Variants in CEP83 observed in about 807,000 individuals in gnomAD.
CEP83 encodes the protein centrosomal protein of 83 kDa.
A neutral mutation model predicts 101.9 loss-of-function variants in CEP83; 70 were observed. That is an observed-to-expected ratio of 0.69 (90% CI 0.57 to 0.84). The LOEUF (loss-of-function observed/expected upper bound fraction) is 0.84, where lower values mean the gene tolerates loss of function less well. CEP83 is among the 40% of genes least tolerant of loss of function. CEP83 has a pLI of 0.00. For synonymous variants in CEP83, 264 were observed against 267.9 expected, an observed-to-expected ratio of 0.99 and a Z score of 0.14; for missense variants, 715 against 787.2, an observed-to-expected ratio of 0.91 and a Z score of 1.10.
intron 2 of CEP83, among the ~76,000 whole-genome samples, chr12:94,432,377 A>T (rs778441327): frequency 3.9e-5 from 6 of 151,962 alleles, no homozygotes; most frequent in Non-Finnish European, 7.4e-5. Flanking sequence ...TGTTTTTTTT[A>T]AATGTGGTAT....
rs1353421002 is a variant in CEP83, at chr12:94,346,435, G to A, written c.1344-10771C>T. 7.1e-5 allele frequency among the ~76,000 whole-genome samples: 10 copies of A among 140,506 alleles called. No individual in the cohort carries two copies. In the East Asian group the frequency reaches 1.7e-3, roughly 24 times the overall value. 92.2% of individuals were successfully genotyped at this position (140,506 alleles called of 152,430 possible). ...TGCACTCCAGCCTGGGTGACAGAGCGAGACGCCGTCTCAAAAAAAAAAAAA... is the reference window on the plus strand; with the variant it reads ...TGCACTCCAGCCTGGGTGACAGAGCAAGACGCCGTCTCAAAAAAAAAAAAA... On this transcript the variant is annotated intron_variant, in intron 11 of 16. Coordinates refer to ENST00000397809, the MANE Select transcript of CEP83 (RefSeq NM_016122.3).
At position 94,367,814 on chromosome 12, in the gene CEP83, C is replaced by T. The variant is rs1202585370; in HGVS notation, c.1323G>A (p.Arg441=). 7 of 1,611,948 alleles carry T rather than the reference C, an allele frequency of 4.3e-6. No individual in the cohort carries two copies. The Admixed American group carries it at 1.0e-4, about 23-fold the overall frequency. Reference sequence around the variant, plus strand: ...ATAACCTAACACTCTGAAGCTCCTTCCTGGTGATCTCTTCTGCCATCTGTG... The same window carrying T: ...ATAACCTAACACTCTGAAGCTCCTTTCTGGTGATCTCTTCTGCCATCTGTG... ...RASQMAEEIT[R]KELQSVRLKL... Residue 441 remains arginine (R), a synonymous_variant, in exon 11 of 17, where the codon AGG becomes AGA. Coordinates refer to ENST00000397809, the MANE Select transcript of CEP83 (RefSeq NM_016122.3).
chr12:94,455,565 A>G (rs1349330393), intron 1 of CEP83, among the ~76,000 whole-genome samples: 2 of 152,234 alleles, frequency 1.3e-5, no homozygotes, highest in African/African-American at 4.8e-5. Flanking sequence ...GACTGTAAAA[A>G]CTACATGGAC....
At chr12:94,392,621 G>A (rs2062622656) in intron 6 of CEP83, among the ~76,000 whole-genome samples, 2 of 152,008 alleles carry the variant, frequency 1.3e-5, no homozygotes, top group Non-Finnish European at 2.9e-5. Flanking sequence ...CTAGCAGAAG[G>A]CAAGAAATAA....
intron 14 of CEP83, among the ~76,000 whole-genome samples, chr12:94,316,748 A>T (rs1970762685): frequency 6.6e-6 from 1 of 152,292 alleles, no homozygotes; most frequent in Admixed American, 6.5e-5. Flanking sequence ...CTGGCAAAGG[A>T]CATTATCTCA....
chr12:94,354,819 G>C (rs1239743244), intron 11 of CEP83, among the ~76,000 whole-genome samples: 1 of 152,070 alleles, frequency 6.6e-6, no homozygotes, highest in East Asian at 1.9e-4. Flanking sequence ...AAACCATCCT[G>C]GCCATCATGG....
At chr12:94,390,724 C>T (rs1187376099) in intron 6 of CEP83, among the ~76,000 whole-genome samples, 3 of 152,040 alleles carry the variant, frequency 2.0e-5, no homozygotes, top group Admixed American at 2.0e-4. Context: ...AAGCTAAGAA[C>T]CTTGAAAAAA....
chr12:94,312,233 T>C (rs1040013734), intron 15 of CEP83, among the ~76,000 whole-genome samples: 1 of 152,236 alleles, frequency 6.6e-6, no homozygotes, highest in African/African-American at 2.4e-5. Context: ...TAGAATGTTC[T>C]TTAAAAAACA....
rs575150249 is a variant in CEP83 at position 94,410,046 on chromosome 12, T to C, written c.324+1651A>G. Among the ~76,000 whole-genome samples the C allele has an allele frequency of 4.6e-5, 7 of 152,270 alleles. No homozygotes were observed. The East Asian group carries it at 1.2e-3, about 25-fold the overall frequency. On this transcript the variant is annotated intron_variant, in intron 4 of 16. Coordinates refer to ENST00000397809, the MANE Select transcript of CEP83 (RefSeq NM_016122.3). ...ACCCATAATAGATTCAAAGAAAAAC[T>C]AGATGATTACCAACTCTAAGATGCT...
chr12:94,456,986 T>C (rs1320138722), intron 1 of CEP83, among the ~76,000 whole-genome samples: 1 of 152,202 alleles, frequency 6.6e-6, no homozygotes, highest in East Asian at 1.9e-4. Flanking sequence ...CACAAATACA[T>C]ACTATTCCTA....
chr12:94,300,600 A>G, the CEP83 span, among the ~76,000 whole-genome samples: 1 of 152,092 alleles, frequency 6.6e-6, no homozygotes, highest in Non-Finnish European at 1.5e-5. Flanking sequence ...TTATGTGAGA[A>G]CAAACTGTCA....
chr12:94,294,665 T>A, the CEP83 span: 3 of 574,424 alleles, frequency 5.2e-6, no homozygotes, highest in Admixed American at 9.1e-5. Context: ...TCTCTGAAAG[T>A]TGAGAAAAGT....
At chr12:94,378,502 A>G (rs1199843228) in intron 7 of CEP83, among the ~76,000 whole-genome samples, 2 of 152,316 alleles carry the variant, frequency 1.3e-5, no homozygotes, top group East Asian at 3.9e-4. Flanking sequence ...TCAAATACAT[A>G]TATTTTTATT....
the CEP83 span, among the ~76,000 whole-genome samples, chr12:94,270,504 C>A: frequency 2.6e-5 from 4 of 152,188 alleles, no homozygotes; most frequent in East Asian, 7.7e-4. Context: ...TCTTTCCTCC[C>A]CTTCTGGGAC....
intron 14 of CEP83, among the ~76,000 whole-genome samples, chr12:94,320,454 T>C (rs2058699898): frequency 6.6e-6 from 1 of 152,066 alleles, no homozygotes; most frequent in African/African-American, 2.4e-5. Flanking sequence ...TGTACTTAAG[T>C]GTGTTTCTGT....
intron 9 of CEP83, 170 bp downstream of exon 9, chr12:94,369,752 C>A (rs972601546): frequency 1.1e-5 from 5 of 458,448 alleles, no homozygotes; most frequent in Non-Finnish European, 1.5e-5. Context: ...TTAAATCTTA[C>A]AATGAACAAA....
chr12:94,363,274 A>G (rs992318788), intron 11 of CEP83, among the ~76,000 whole-genome samples: 1 of 152,248 alleles, frequency 6.6e-6, no homozygotes, highest in Admixed American at 6.5e-5. Context: ...GTGAATCAAA[A>G]TATCACACTG....
intron 12 of CEP83, among the ~76,000 whole-genome samples, chr12:94,334,194 C>T (rs1329903667): frequency 6.6e-6 from 1 of 152,148 alleles, no homozygotes; most frequent in Non-Finnish European, 1.5e-5. Flanking sequence ...GGTTTCCAAA[C>T]CTTCTGTATG....
chr12:94,353,002 C>T (rs2060273466), intron 11 of CEP83, among the ~76,000 whole-genome samples: 1 of 152,036 alleles, frequency 6.6e-6, no homozygotes, highest in Non-Finnish European at 1.5e-5. Flanking sequence ...AGCTCAAAGA[C>T]CCCAAACTGA....
Sources: gnomAD v4.1 joint callset for allele counts (sites outside exome capture counted in the v4.1 genomes callset) on GRCh38, gnomAD v4.1.1 for gene constraint, MANE v1.5 for transcripts, NCBI Gene and HGNC (gene_info 2026-07-23, HGNC 2026-07-21) for gene names.